Variants in SYN2 observed in about 807,000 individuals in gnomAD.
SYN2 encodes the protein synapsin-2.
A neutral mutation model predicts 50.9 loss-of-function variants in SYN2; 19 were observed. The observed-to-expected ratio is 0.37, with a 90% CI of 0.26 to 0.55. The LOEUF is 0.55. SYN2 is among the 20% of genes least tolerant of loss of function. SYN2 has a pLI of 0.81. For synonymous variants in SYN2, 255 were observed against 224.9 expected, an observed-to-expected ratio of 1.13 and a Z score of -1.20; for missense variants, 587 against 576.4, an observed-to-expected ratio of 1.02 and a Z score of -0.19.
intron 1 of SYN2, among the ~76,000 whole-genome samples, chr3:12,114,457 T>G (rs1435537803): frequency 6.6e-6 from 1 of 152,202 alleles, no homozygotes; most frequent in African/African-American, 2.4e-5. Context: ...TGAAAGCCAA[T>G]TTGTTTTTTC....
chr3:12,054,161 A>G (rs1399935788), intron 1 of SYN2, among the ~76,000 whole-genome samples: 1 of 152,180 alleles, frequency 6.6e-6, no homozygotes, highest in African/African-American at 2.4e-5. Context: ...GGACATTTCC[A>G]TGTGGGCTAT....
chr3:12,179,228 G>C (rs1043374747), intron 10 of SYN2, among the ~76,000 whole-genome samples: 2 of 148,176 alleles, frequency 1.3e-5, no homozygotes, highest in African/African-American at 5.0e-5. Flanking sequence ...GCTCCTGAAA[G>C]CCTATACCTG....
rs767688914 is a variant in SYN2 at position 12,004,521 on chromosome 3, A to G, written c.-31A>G. The G allele has an allele frequency of 5.4e-6, 3 of 558,206 alleles. No homozygotes were observed. The highest frequency in any genetic ancestry group is 2.0e-5 in the South Asian group (1 of 50,350). The allele number at this position is 558,206 out of a possible 1,614,324, so 34.6% of individuals were successfully genotyped here. ...CTCCCTCCGCGCCACCAGACCCCGT[A>G]GCCCCGCGCGCCCCCAGCCCTTTAA... On this transcript the variant is annotated 5_prime_UTR_variant, in exon 1 of 13. Transcript: ENST00000621198.
chr3:12,144,180 G>T (rs956301202), intron 3 of SYN2, among the ~76,000 whole-genome samples: 1 of 152,238 alleles, frequency 6.6e-6, no homozygotes, highest in African/African-American at 2.4e-5. Flanking sequence ...AATAGCGGTG[G>T]CTAGAAGCTT....
rs112498105 is a variant in SYN2, at chr3:12,069,546, C to T, written c.377+64618C>T. On this transcript the variant is annotated intron_variant, in intron 1 of 12. Coordinates refer to ENST00000621198, the MANE Select transcript of SYN2 (RefSeq NM_133625.6). ...ACAGGTGTGAGCCACTGCGCCCGGC[C>T]GTGGACACATGTGTTTTAAACTCCT... Among the ~76,000 whole-genome samples, 1,184 of 151,914 alleles carry T rather than the reference C, an allele frequency of 7.8e-3. 10 individuals carry two copies. Among genetic ancestry groups the T allele is most frequent in the African/African-American group, 0.027 (1,113 of 41,418 alleles).
intron 5 of SYN2, among the ~76,000 whole-genome samples, chr3:12,160,399 C>G (rs957002449): frequency 1.3e-5 from 2 of 152,180 alleles, no homozygotes; most frequent in African/African-American, 4.8e-5. Flanking sequence ...CCAGATACCC[C>G]CAGTATCTGT....
intron 1 of SYN2, among the ~76,000 whole-genome samples, chr3:12,019,630 A>T (rs1019366897): frequency 1.3e-5 from 2 of 152,092 alleles, no homozygotes; most frequent in African/African-American, 4.8e-5. Context: ...AAAAAAATGC[A>T]CTCAACTTAA....
chr3:12,164,753 T>C (rs1697739300), intron 7 of SYN2, among the ~76,000 whole-genome samples: 1 of 152,164 alleles, frequency 6.6e-6, no homozygotes, highest in East Asian at 1.9e-4. Context: ...TGCATCCCAT[T>C]GTTAGAGAAT....
chr3:12,063,351 A>G (rs1177843249), intron 1 of SYN2, among the ~76,000 whole-genome samples: 2 of 152,056 alleles, frequency 1.3e-5, no homozygotes, highest in African/African-American at 2.4e-5. Flanking sequence ...TTAATTGACT[A>G]TGGAAATGAG....
intron 1 of SYN2, among the ~76,000 whole-genome samples, chr3:12,108,916 C>G (rs1415423475): frequency 5.3e-5 from 8 of 150,498 alleles, no homozygotes; most frequent in African/African-American, 2.0e-4. Context: ...ATGAAAAACT[C>G]AAATATCCAT....
intron 1 of SYN2, among the ~76,000 whole-genome samples, chr3:12,092,306 G>A (rs932050275): frequency 6.6e-5 from 10 of 152,132 alleles, no homozygotes; most frequent in African/African-American, 2.4e-4. Flanking sequence ...TTAGATTTAA[G>A]TATAGAAAAA....
chr3:12,087,496 C>T (rs1293054753), intron 1 of SYN2, among the ~76,000 whole-genome samples: 1 of 151,996 alleles, frequency 6.6e-6, no homozygotes, highest in Non-Finnish European at 1.5e-5. Context: ...CAGCATGGTA[C>T]CAGCATAAAA....
chr3:12,182,802 C>T (rs1387660990), intron 10 of SYN2, among the ~76,000 whole-genome samples: 3 of 152,196 alleles, frequency 2.0e-5, no homozygotes, highest in African/African-American at 4.8e-5. Context: ...TCACTAGGTC[C>T]GGCTGGGCGC....
intron 1 of SYN2, among the ~76,000 whole-genome samples, chr3:12,091,427 A>G (rs1695825800): frequency 6.6e-6 from 1 of 152,206 alleles, no homozygotes; most frequent in African/African-American, 2.4e-5. Context: ...GGAAAATTTA[A>G]TTAATCAGCT....
At chr3:12,047,621 G>A (rs944605024) in intron 1 of SYN2, among the ~76,000 whole-genome samples, 2 of 152,038 alleles carry the variant, frequency 1.3e-5, no homozygotes, top group Non-Finnish European at 2.9e-5. Flanking sequence ...AGATGGAGAC[G>A]ATGAAAGGGA....
intron 7 of SYN2, 85 bp from the exon 8 acceptor site, chr3:12,167,149 T>G: frequency 1.1e-5 from 15 of 1,368,136 alleles, no homozygotes; most frequent in South Asian, 2.5e-5. Context: ...AAAGCAACAG[T>G]GAACTAAAAT....
chr3:12,119,450 A>G (rs887630952), intron 1 of SYN2, among the ~76,000 whole-genome samples: 2 of 152,164 alleles, frequency 1.3e-5, no homozygotes, highest in African/African-American at 2.4e-5. Context: ...TTTGGCCCCT[A>G]GTAGAAATTT....
intron 1 of SYN2, among the ~76,000 whole-genome samples, chr3:12,009,716 C>T (rs374428773): frequency 3.3e-4 from 51 of 152,284 alleles, no homozygotes; most frequent in South Asian, 2.9e-3. Flanking sequence ...CATGTAAGCA[C>T]GCTCTCACAC....
At chr3:12,024,567 T>C (rs1054237350) in intron 1 of SYN2, among the ~76,000 whole-genome samples, 1 of 152,230 alleles carries the variant, frequency 6.6e-6, no homozygotes, top group African/African-American at 2.4e-5. Context: ...CTGGTTTCTT[T>C]TGTTTAACAT....
Sources: allele counts gnomAD v4.1 joint callset (sites outside exome capture counted in the v4.1 genomes callset), GRCh38; gene constraint gnomAD v4.1.1; transcripts MANE v1.5; gene names NCBI Gene and HGNC (gene_info 2026-07-23, HGNC 2026-07-21).